Variants in AAMDC observed in about 807,000 individuals in gnomAD.
AAMDC encodes adipogenesis associated Mth938 domain containing, also known as mth938 domain-containing protein.
AAMDC carries 16 observed loss-of-function variants against 15.5 expected under a neutral mutation model. The observed-to-expected ratio is 1.03, with a 90% CI of 0.70 to 1.57. The LOEUF (loss-of-function observed/expected upper bound fraction) is 1.57. AAMDC is among the 40% of genes most tolerant of loss of function. The pLI, the probability that AAMDC is intolerant of heterozygous loss-of-function variation, is 0.00. For synonymous variants in AAMDC, 51 were observed against 51.6 expected (o/e 0.99, Z 0.05); for missense variants, 141 against 144.9 (o/e 0.97, Z 0.14).
At chr11:77,832,781 T>A (rs1329518783) in intron 1 of AAMDC, among the ~76,000 whole-genome samples, 1 of 151,668 alleles carries the variant, frequency 6.6e-6, no homozygotes, top group Non-Finnish European at 1.5e-5. Context: ...CTTATAGTGA[T>A]GTTGTCAAAG....
At chr11:77,887,939 GA>G (rs1390233420) in intron 5 of AAMDC, among the ~76,000 whole-genome samples, 1 of 152,150 alleles carries the variant, frequency 6.6e-6, no homozygotes, top group Non-Finnish European at 1.5e-5. Flanking sequence ...CAAACAAATG[GA>G]AAAACATTCC....
At chr11:77,841,532 C>A (rs1041891146) in intron 1 of AAMDC, among the ~76,000 whole-genome samples, 2 of 152,124 alleles carry the variant, frequency 1.3e-5, no homozygotes, top group Non-Finnish European at 2.9e-5. Flanking sequence ...CAGGGGAGTG[C>A]GTTCAAAGTC....
At chr11:77,855,149 C>G (rs1404451840) in intron 2 of AAMDC, among the ~76,000 whole-genome samples, 2 of 152,174 alleles carry the variant, frequency 1.3e-5, no homozygotes, top group African/African-American at 4.8e-5. Context: ...TCCCACAAAA[C>G]CATTATTTCC....
downstream of AAMDC, chr11:77,872,364 GTCAC>G: frequency 6.4e-7 from 1 of 1,557,116 alleles, no homozygotes; most frequent in South Asian, 1.2e-5. Context: ...GCCTGTGACT[GTCAC>G]TCACCATTCT....
At chr11:77,866,676 T>C (rs1364793986) in intron 2 of AAMDC, 1 of 152,030 alleles carries the variant, frequency 6.6e-6, no homozygotes, top group Non-Finnish European at 1.5e-5. Flanking sequence ...CAGTGGCCTC[T>C]TGTTTCATTT....
intron 5 of AAMDC, chr11:77,884,034 C>A: frequency 7.0e-7 from 1 of 1,419,540 alleles, no homozygotes; most frequent in East Asian, 2.4e-5. Flanking sequence ...TTGTGAACCT[C>A]AAAACACAAG....
At chr11:77,853,993 CTTTT>C (rs571437470) in intron 2 of AAMDC, among the ~76,000 whole-genome samples, 2 of 138,374 alleles carry the variant, frequency 1.4e-5, no homozygotes, top group Non-Finnish European at 1.5e-5. Context: ...CCTCCAAATT[CTTTT>C]TTTTTTTTTT....
At chr11:77,866,029 C>T (rs1402846188) in intron 2 of AAMDC, among the ~76,000 whole-genome samples, 2 of 152,230 alleles carry the variant, frequency 1.3e-5, no homozygotes, top group African/African-American at 4.8e-5. Flanking sequence ...ATCCTTTAAA[C>T]TTCACTCACA....
rs775574982 is a variant in AAMDC, at chr11:77,869,771, G to A, written c.182G>A (p.Gly61Asp). The stretch of plus-strand genomic sequence containing the variant: ...GATGTGAAGGAAGTTGTTGAGAAGG[G>A]TGTACAGACTCTTGTGATTGGCCGA... Reference protein sequence around the residue: ...PADVKEVVEKGVQTLVIGRGM... With the variant: ...PADVKEVVEKDVQTLVIGRGM... Residue 61 changes from glycine (G) to aspartate (D), a missense_variant, in exon 3 of 4, where the codon GGT (glycine) becomes GAT (aspartate). By Grantham distance (94) the Gly-to-Asp change is moderately conservative. Transcript: ENST00000393427. 2.5e-6 allele frequency: 4 copies of A among 1,613,902 alleles called. No homozygotes were observed. The highest frequency in any genetic ancestry group is 2.5e-6 in the Non-Finnish European group (3 of 1,179,934).
rs1454498572 is a variant in AAMDC, at chr11:77,823,230, A to AG, written c.-19+1989_-19+1990insG. On this transcript the variant is annotated intron_variant, in intron 1 of 3. Coordinates refer to ENST00000393427, the MANE Select transcript of AAMDC (RefSeq NM_024684.4). ...ACTCCGTCTCAAAAAAAAAAAAAAA[A>AG]AAAAGAAATTAAAATCCTACTTCAG... Among the ~76,000 whole-genome samples, 19 of 151,454 alleles carry AG rather than the reference A, an allele frequency of 1.3e-4. No homozygotes were observed. The East Asian group carries it at 2.9e-3, about 23-fold the overall frequency.
intron 2 of AAMDC, among the ~76,000 whole-genome samples, chr11:77,858,263 C>A (rs1300281952): frequency 7.0e-6 from 1 of 142,264 alleles, no homozygotes; most frequent in Admixed American, 7.1e-5. Context: ...TGTGCAATCT[C>A]GGCTCACTAC....
intron 2 of AAMDC, among the ~76,000 whole-genome samples, chr11:77,854,649 T>C (rs1298037141): frequency 6.6e-6 from 1 of 152,216 alleles, no homozygotes; most frequent in African/African-American, 2.4e-5. Context: ...CTCTGCAGGG[T>C]GCAACCCCTG....
intron 2 of AAMDC, among the ~76,000 whole-genome samples, chr11:77,861,370 TG>T (rs1436278033): frequency 6.6e-6 from 1 of 152,188 alleles, no homozygotes; most frequent in Non-Finnish European, 1.5e-5. Context: ...CCTTGGATAG[TG>T]ACAGATCTGG....
At chr11:77,900,828 C>T (rs1952756624), downstream of AAMDC, 1 of 572,328 alleles carries the variant, frequency 1.7e-6, no homozygotes, top group East Asian at 2.9e-5. Context: ...TTACACTGAG[C>T]TCTTATTACG....
chr11:77,834,305 A>C (rs1949579706), intron 1 of AAMDC, among the ~76,000 whole-genome samples: 1 of 152,238 alleles, frequency 6.6e-6, no homozygotes, highest in South Asian at 2.1e-4. Context: ...AAATTAGAAG[A>C]TGCAAAGTTT....
chr11:77,878,830 G>A (rs956006576), intron 5 of AAMDC: 2 of 799,762 alleles, frequency 2.5e-6, no homozygotes, highest in Non-Finnish European at 4.4e-6. Context: ...AGATGAGACT[G>A]TAAGGGTCAC....
rs1011335746 is a variant in AAMDC at position 77,837,178 on chromosome 11, C to T, written c.-18-5301C>T. On this transcript the variant is annotated intron_variant, in intron 1 of 3. Coordinates refer to ENST00000393427, the MANE Select transcript of AAMDC (RefSeq NM_024684.4). ...TGAGACGTAGTCTCGCTCTGTCACC[C>T]AGGCTGGAGTGCAGTGGCACGATCT... Among the ~76,000 whole-genome samples, 49 of 152,252 alleles carry T rather than the reference C, an allele frequency of 3.2e-4. 1 individual carries two copies. Among genetic ancestry groups the T allele is most frequent in the African/African-American group, 1.1e-3 (47 of 41,554 alleles).
chr11:77,903,430 T>C (rs1952839347), downstream of AAMDC: 1 of 1,605,272 alleles, frequency 6.2e-7, no homozygotes, highest in African/African-American at 1.4e-5. Flanking sequence ...GCCACAACTT[T>C]TCCTGCAAGG....
At chr11:77,905,199 G>A (rs1420580569), downstream of AAMDC, among the ~76,000 whole-genome samples, 1 of 152,164 alleles carries the variant, frequency 6.6e-6, no homozygotes. Context: ...GCTCATGCCT[G>A]TAATCCTAGC....
Sources: allele counts gnomAD v4.1 joint callset (sites outside exome capture counted in the v4.1 genomes callset), GRCh38; gene constraint gnomAD v4.1.1; transcripts MANE v1.5; gene names NCBI Gene and HGNC (gene_info 2026-07-23, HGNC 2026-07-21).